The following ARHGAP15 variants were observed in gnomAD, a reference collection of about 807,000 sequenced individuals.
The protein encoded by ARHGAP15 is rho GTPase-activating protein 15.
A neutral mutation model predicts 63.7 loss-of-function variants in ARHGAP15; 51 were observed. The observed-to-expected ratio is 0.80, with a 90% CI of 0.64 to 1.01. The LOEUF is 1.01. ARHGAP15 is among the 50% of genes least tolerant of loss of function. The probability of loss-of-function intolerance (pLI) is 0.00; values close to 1 mark genes in which losing one functional copy is unlikely to be tolerated. For synonymous variants in ARHGAP15, 191 were observed against 193.8 expected, an observed-to-expected ratio of 0.99 and a Z score of 0.12; for missense variants, 560 against 564.6, an observed-to-expected ratio of 0.99 and a Z score of 0.08.
At chr2:143,314,718 A>G (rs1683615831) in intron 6 of ARHGAP15, 1 of 148,670 alleles carries the variant, frequency 6.7e-6, no homozygotes, top group African/African-American at 2.6e-5. Context: ...TTAGATCTAG[A>G]TGATAATGGA....
intron 4 of ARHGAP15, among the ~76,000 whole-genome samples, chr2:143,226,547 T>C (rs1035310531): frequency 6.6e-6 from 1 of 152,198 alleles, no homozygotes; most frequent in African/African-American, 2.4e-5. Flanking sequence ...AATCTATTAT[T>C]ATGACCTGAA....
intron 2 of ARHGAP15, among the ~76,000 whole-genome samples, chr2:143,200,037 A>G (rs1267941062): frequency 6.6e-6 from 1 of 152,124 alleles, no homozygotes; most frequent in African/African-American, 2.4e-5. Context: ...AACCTTTCTC[A>G]TTTGTCAAAG....
At chr2:143,326,653 A>G (rs577559478) in intron 6 of ARHGAP15, among the ~76,000 whole-genome samples, 6 of 152,272 alleles carry the variant, frequency 3.9e-5, no homozygotes, top group African/African-American at 1.2e-4. Flanking sequence ...ATTTTCCAAT[A>G]TTATTTCTGA....
At chr2:143,611,192 G>A (rs1254952872) in intron 11 of ARHGAP15, among the ~76,000 whole-genome samples, 1 of 152,162 alleles carries the variant, frequency 6.6e-6, no homozygotes, top group Non-Finnish European at 1.5e-5. Context: ...TAATGTAATG[G>A]TTTGAAGCAG....
At chr2:143,720,518 A>G (rs911174150) in intron 13 of ARHGAP15, among the ~76,000 whole-genome samples, 5 of 152,132 alleles carry the variant, frequency 3.3e-5, no homozygotes, top group Admixed American at 1.3e-4. Context: ...ACTGCCCTCT[A>G]TCGACGCAGA....
intron 10 of ARHGAP15, among the ~76,000 whole-genome samples, chr2:143,552,435 C>CTA (rs1444111525): frequency 6.6e-6 from 1 of 152,036 alleles, no homozygotes; most frequent in East Asian, 1.9e-4. Flanking sequence ...TGCAAAGTGT[C>CTA]TAAGATTTAT....
chr2:143,713,506 C>G (rs1041885922), intron 13 of ARHGAP15, among the ~76,000 whole-genome samples: 2 of 152,266 alleles, frequency 1.3e-5, no homozygotes, highest in East Asian at 1.9e-4. Flanking sequence ...TATATCAAAA[C>G]CAATCATGCC....
chr2:143,262,721 A>C (rs1430880079), intron 6 of ARHGAP15, among the ~76,000 whole-genome samples: 2 of 151,932 alleles, frequency 1.3e-5, no homozygotes, highest in Non-Finnish European at 2.9e-5. Context: ...AGGGTCAGCT[A>C]TCCCCATGAA....
At chr2:143,236,463 G>C (rs987913954) in intron 5 of ARHGAP15, 6 of 152,104 alleles carry the variant, frequency 3.9e-5, no homozygotes, top group African/African-American at 1.2e-4. Context: ...ACTACGATAG[G>C]TGTTCTGAAA....
chr2:143,265,520 T>C (rs1211556167), intron 6 of ARHGAP15, among the ~76,000 whole-genome samples: 1 of 152,186 alleles, frequency 6.6e-6, no homozygotes, highest in African/African-American at 2.4e-5. Context: ...TTTCTAAAAG[T>C]TGAAAATGAC....
At chr2:143,281,418 A>G (rs1455557176) in intron 6 of ARHGAP15, among the ~76,000 whole-genome samples, 2 of 152,200 alleles carry the variant, frequency 1.3e-5, no homozygotes, top group Non-Finnish European at 2.9e-5. Context: ...AGGATATAAT[A>G]TAATAGGATA....
intron 12 of ARHGAP15, among the ~76,000 whole-genome samples, chr2:143,628,725 G>T (rs571564914): frequency 6.6e-6 from 1 of 152,096 alleles, no homozygotes; most frequent in Non-Finnish European, 1.5e-5. Flanking sequence ...TCCTTATCTG[G>T]TTCTCAGCTT....
intron 13 of ARHGAP15, among the ~76,000 whole-genome samples, chr2:143,762,943 A>G (rs999119765): frequency 6.6e-6 from 1 of 152,142 alleles, no homozygotes; most frequent in African/African-American, 2.4e-5. Flanking sequence ...AATACAACTC[A>G]ACTAAAGCTC....
chr2:143,429,597 A>T (rs570613308), intron 6 of ARHGAP15, among the ~76,000 whole-genome samples: 1 of 152,130 alleles, frequency 6.6e-6, no homozygotes, highest in Non-Finnish European at 1.5e-5. Context: ...ATGCAAATCA[A>T]TCAACCCCAA....
Position 143,246,613 on chromosome 2 carries a change from T to C in ARHGAP15, c.385-3898T>C, listed in dbSNP as rs373066881. Among the ~76,000 whole-genome samples, 11 of 151,806 alleles carry C rather than the reference T, an allele frequency of 7.2e-5. No individual in the cohort carries two copies. The East Asian group carries it at 1.9e-3, about 27-fold the overall frequency. On this transcript the variant is annotated intron_variant, in intron 5 of 13. Coordinates refer to ENST00000295095, the MANE Select transcript of ARHGAP15 (RefSeq NM_018460.4). ...AAGTTATTTCTCCAGTATTCGGGGA[T>C]ATGAGGAATATTATGGAGGGGCAAG...
At position 143,367,472 on chromosome 2, in the gene ARHGAP15, C is replaced by T. The variant is rs547955967; in HGVS notation, c.475-68129C>T. On this transcript the variant is annotated intron_variant, in intron 6 of 13. Transcript: ENST00000295095. ...CAACTTATCCTGCATATTGCTCTTC[C>T]TTATTCCTGATTATTTTTGTATTTT... 2.7e-4 allele frequency among the ~76,000 whole-genome samples: 41 copies of T among 152,090 alleles called. 1 individual carries two copies. The South Asian group carries it at 4.4e-3, about 16-fold the overall frequency.
intron 6 of ARHGAP15, among the ~76,000 whole-genome samples, chr2:143,369,012 G>T (rs979082022): frequency 2.0e-5 from 3 of 152,034 alleles, no homozygotes; most frequent in African/African-American, 7.2e-5. Flanking sequence ...TTGCATAAAT[G>T]AATAGTGACA....
At chr2:143,468,663 A>AGAGT (rs764115175) in intron 8 of ARHGAP15, among the ~76,000 whole-genome samples, 41 of 136,330 alleles carry the variant, frequency 3.0e-4, no homozygotes, top group African/African-American at 9.6e-4. Flanking sequence ...AGAGAGAGAG[A>AGAGT]GTGTGTGTGT....
chr2:143,428,645 A>G (rs947759775), intron 6 of ARHGAP15, among the ~76,000 whole-genome samples: 49 of 152,146 alleles, frequency 3.2e-4, no homozygotes, highest in Non-Finnish European at 1.5e-4. Context: ...AAACATACAT[A>G]ATGTTTCCTC....
Sources: allele counts gnomAD v4.1 joint callset (sites outside exome capture counted in the v4.1 genomes callset), GRCh38; gene constraint gnomAD v4.1.1; transcripts MANE v1.5; gene names NCBI Gene and HGNC (gene_info 2026-07-23, HGNC 2026-07-21).